PDE6A: variants seen among roughly 807,000 people sequenced by gnomAD.
The protein encoded by PDE6A is rod cGMP-specific 3',5'-cyclic phosphodiesterase subunit alpha.
Under a neutral mutation model 106.3 loss-of-function variants are expected in PDE6A, and 84 were observed. The observed-to-expected ratio is 0.79, with a 90% confidence interval of 0.66 to 0.95. The LOEUF (loss-of-function observed/expected upper bound fraction) is 0.95. Ranked by LOEUF, PDE6A falls within the 40% of genes least tolerant of loss-of-function variation. The pLI, the probability that PDE6A is intolerant of heterozygous loss-of-function variation, is 0.00. For missense variants in PDE6A, 1,052 were observed against 1,084.9 expected (o/e 0.97, Z 0.43); for synonymous variants, 394 against 386.6 (o/e 1.02, Z -0.23).
chr5:149,866,054 G>A (rs17110641), intron 20 of PDE6A, 116 bp downstream of exon 20: 33,281 of 752,080 alleles, frequency 0.044, 999 homozygotes, highest in Admixed American at 0.1. Flanking sequence ...GATGAGAAGC[G>A]CTTTGTAAAG....
chr5:149,882,043 C>T (rs1760946887), intron 17 of PDE6A, among the ~76,000 whole-genome samples: 1 of 140,234 alleles, frequency 7.1e-6, no homozygotes, highest in Non-Finnish European at 1.5e-5. Flanking sequence ...GAGCAAGACC[C>T]TGTCTCAAAA....
rs764485165 is a variant in PDE6A at position 149,884,756 on chromosome 5, G to C, written c.1926+24C>G. The C allele has an allele frequency of 5.6e-6, 9 of 1,602,642 alleles. No individual in the cohort carries two copies. The South Asian group carries it at 9.9e-5, about 18-fold the overall frequency. On this transcript the variant is annotated intron_variant, in intron 15 of 21. Transcript: ENST00000255266. ...GCCTCTGATCCAGGCCCCGCGGCCT[G>C]TAGACCCTTGGCCCTCATCCTACCT...
intron 17 of PDE6A, among the ~76,000 whole-genome samples, chr5:149,871,804 G>A (rs1185548084): frequency 6.6e-5 from 10 of 152,188 alleles, no homozygotes; most frequent in Admixed American, 6.5e-4. Flanking sequence ...GGAAGGGACA[G>A]GAGCGTACAC....
intron 1 of PDE6A, among the ~76,000 whole-genome samples, chr5:149,937,166 G>A (rs534319026): frequency 4.6e-5 from 7 of 152,252 alleles, no homozygotes; most frequent in African/African-American, 1.7e-4. Context: ...AGGGAGCCAG[G>A]TATATGAAGC....
intron 1 of PDE6A, among the ~76,000 whole-genome samples, chr5:149,935,655 G>T (rs928827363): frequency 6.6e-6 from 1 of 152,206 alleles, no homozygotes; most frequent in African/African-American, 2.4e-5. Flanking sequence ...ATAGGCTGTG[G>T]TGGACCATGC....
At chr5:149,861,541 T>C (rs1010770206) in intron 21 of PDE6A, among the ~76,000 whole-genome samples, 1 of 152,056 alleles carries the variant, frequency 6.6e-6, no homozygotes, top group Non-Finnish European at 1.5e-5. Context: ...TCCCAGCTGC[T>C]AGGGAAGCTG....
intron 6 of PDE6A, among the ~76,000 whole-genome samples, chr5:149,909,359 T>C (rs1753301778): frequency 6.6e-6 from 1 of 152,240 alleles, no homozygotes; most frequent in African/African-American, 2.4e-5. Flanking sequence ...GGGCAACCAC[T>C]GGCAAGGCTG....
intron 5 of PDE6A, among the ~76,000 whole-genome samples, chr5:149,920,955 A>AAAG (rs1389902249): frequency 2.7e-4 from 34 of 124,144 alleles, no homozygotes; most frequent in Middle Eastern, 3.4e-3. Context: ...AGAAAGAAAG[A>AAAG]AAGAAAGAAA....
chr5:149,892,120 G>A (rs548988792), intron 13 of PDE6A, among the ~76,000 whole-genome samples: 1 of 152,186 alleles, frequency 6.6e-6, no homozygotes, highest in Non-Finnish European at 1.5e-5. Flanking sequence ...CAAGACCATG[G>A]CAACATAGTG....
chr5:149,888,801 T>C (rs1032186098), intron 13 of PDE6A, among the ~76,000 whole-genome samples: 3 of 151,906 alleles, frequency 2.0e-5, no homozygotes, highest in South Asian at 2.1e-4. Context: ...TGGAAGAAAA[T>C]GGCTGGGTGC....
intron 4 of PDE6A, among the ~76,000 whole-genome samples, chr5:149,925,689 A>G (rs1352404160): frequency 7.0e-6 from 1 of 141,880 alleles, no homozygotes; most frequent in African/African-American, 2.6e-5. Context: ...CATGGGTGAC[A>G]GAATGAGACT....
At chr5:149,883,671 C>T (rs1761015342) in intron 16 of PDE6A, 135 bp from the exon 17 acceptor site, 2 of 715,440 alleles carry the variant, frequency 2.8e-6, no homozygotes, top group Admixed American at 2.0e-5. Context: ...AGAGCCAAGG[C>T]CCAGGAGTGA....
chr5:149,926,181 G>T (rs1753859550), intron 4 of PDE6A, among the ~76,000 whole-genome samples: 2 of 152,102 alleles, frequency 1.3e-5, no homozygotes, highest in Admixed American at 1.3e-4. Context: ...GTTGGAGGTT[G>T]CAGTGAGCCA....
At position 149,934,731 on chromosome 5, in the gene PDE6A, A is replaced by G; in HGVS notation, c.475-13T>C. On this transcript the variant is annotated splice_polypyrimidine_tract_variant and intron_variant, in intron 1 of 21. Transcript: ENST00000255266. ...AGAAATGCTCATCCTAAAGGAAGGCAGAGATAAGCACGGACAGGCAAATGA... is the reference window on the plus strand; with the variant it reads ...AGAAATGCTCATCCTAAAGGAAGGCGGAGATAAGCACGGACAGGCAAATGA... The G allele has an allele frequency of 6.2e-7, 1 of 1,613,444 alleles. No homozygotes were observed. Among genetic ancestry groups the G allele is most frequent in the South Asian group, 1.1e-5 (1 of 91,048 alleles).
chr5:149,907,223 TC>T, intron 7 of PDE6A, 88 bp downstream of exon 7: 1 of 1,025,326 alleles, frequency 9.8e-7, no homozygotes. Context: ...CTTGCCATCA[TC>T]TTTTCCACTC....
At chr5:149,930,844 T>A (rs1754011652) in intron 4 of PDE6A, among the ~76,000 whole-genome samples, 184 bp downstream of exon 4, 1 of 152,224 alleles carries the variant, frequency 6.6e-6, no homozygotes, top group African/African-American at 2.4e-5. Context: ...ACCTGTGCCC[T>A]AGATTGACTT....
Position 149,859,671 on chromosome 5 carries a change from G to T in PDE6A, c.*1224C>A, listed in dbSNP as rs946074750. The T allele has an allele frequency of 6.6e-6, 1 of 152,328 alleles. No individual in the cohort carries two copies. The highest frequency in any genetic ancestry group is 1.5e-5 in the Non-Finnish European group (1 of 68,142). 9.4% of individuals were successfully genotyped at this position (152,328 alleles called of 1,614,324 possible). On this transcript the variant is annotated 3_prime_UTR_variant, in exon 22 of 22. Coordinates refer to ENST00000255266, the MANE Select transcript of PDE6A (RefSeq NM_000440.3). The stretch of plus-strand genomic sequence containing the variant: ...GTAGGCCACCCTGGGGAAGGCTGCA[G>T]TAACACCTGATGGGGTTGATACTAA...
intron 5 of PDE6A, among the ~76,000 whole-genome samples, chr5:149,915,949 T>C (rs539089725): frequency 7.0e-4 from 106 of 152,304 alleles, no homozygotes; most frequent in African/African-American, 2.4e-3. Flanking sequence ...GTCAATGAAC[T>C]TTCTCAGAGA....
chr5:149,872,280 A>G (rs1400846842), intron 17 of PDE6A, among the ~76,000 whole-genome samples: 1 of 152,174 alleles, frequency 6.6e-6, no homozygotes, highest in Non-Finnish European at 1.5e-5. Flanking sequence ...TGAAATTCTG[A>G]TTTTGTTAGT....
Sources: allele counts gnomAD v4.1 joint callset (sites outside exome capture counted in the v4.1 genomes callset), GRCh38; gene constraint gnomAD v4.1.1; transcripts MANE v1.5; gene names NCBI Gene and HGNC (gene_info 2026-07-23, HGNC 2026-07-21).